The following TENM3 variants were observed in gnomAD, a reference collection of about 807,000 sequenced individuals.
The protein encoded by TENM3 is teneurin-3.
Under a neutral mutation model 255.1 loss-of-function variants are expected in TENM3, and 63 were observed. The observed-to-expected ratio is 0.25, with a 90% confidence interval of 0.20 to 0.30. TENM3 has a LOEUF of 0.30. TENM3 is among the 10% of genes least tolerant of loss of function. The pLI is 1.00. For missense variants in TENM3, 2,929 were observed against 3,461.1 expected, an observed-to-expected ratio of 0.85 and a Z score of 3.86; for synonymous variants, 1,306 against 1,322.3, an observed-to-expected ratio of 0.99 and a Z score of 0.27.
chr4:182,698,390 C>T (rs956147046), intron 12 of TENM3, among the ~76,000 whole-genome samples: 2 of 152,182 alleles, frequency 1.3e-5, no homozygotes, highest in Admixed American at 1.3e-4. Context: ...CCTTCCTTAT[C>T]TCCTTCACCT....
chr4:182,431,403 AGAATAGCTT>A (rs1771630317), intron 3 of TENM3, among the ~76,000 whole-genome samples: 1 of 152,100 alleles, frequency 6.6e-6, no homozygotes, highest in African/African-American at 2.4e-5. Flanking sequence ...CTGAGGCAGA[AGAATAGCTT>A]GAACCCGGGA....
chr4:181,528,236 A>G, the TENM3 span, among the ~76,000 whole-genome samples: 1 of 152,296 alleles, frequency 6.6e-6, no homozygotes, highest in Admixed American at 6.5e-5. Context: ...GGCATTTAAA[A>G]ATAAAGCTAT....
intron 3 of TENM3, among the ~76,000 whole-genome samples, chr4:182,486,439 C>G (rs1205682749): frequency 6.6e-6 from 1 of 152,046 alleles, no homozygotes; most frequent in Non-Finnish European, 1.5e-5. Flanking sequence ...CCCAGAGACA[C>G]CTCCTTTGTA....
chr4:181,706,275 T>A, the TENM3 span, among the ~76,000 whole-genome samples: 1 of 152,124 alleles, frequency 6.6e-6, no homozygotes, highest in East Asian at 1.9e-4. Flanking sequence ...TCATTTTCAC[T>A]TAATTACCTC....
the TENM3 span, among the ~76,000 whole-genome samples, chr4:181,543,880 TC>T: frequency 2.0e-5 from 3 of 152,166 alleles, no homozygotes; most frequent in Admixed American, 2.0e-4. Flanking sequence ...TTAAAATACT[TC>T]CCATAATTAT....
intron 1 of TENM3, among the ~76,000 whole-genome samples, chr4:182,195,205 A>G (rs1457126889): frequency 6.6e-6 from 1 of 152,114 alleles, no homozygotes; most frequent in Non-Finnish European, 1.5e-5. Context: ...CATCTCTTAG[A>G]GAGATTTGAT....
chr4:181,670,208 G>T, the TENM3 span, among the ~76,000 whole-genome samples: 1 of 152,042 alleles, frequency 6.6e-6, no homozygotes, highest in Admixed American at 6.6e-5. Context: ...TAACCACTAG[G>T]TAATATTTAA....
the TENM3 span, among the ~76,000 whole-genome samples, chr4:182,061,765 C>T: frequency 6.6e-6 from 1 of 151,994 alleles, no homozygotes; most frequent in African/African-American, 2.4e-5. Context: ...TGGAGGCCAG[C>T]CTGGGCATCA....
chr4:181,540,265 G>A, the TENM3 span, among the ~76,000 whole-genome samples: 30 of 151,938 alleles, frequency 2.0e-4, no homozygotes, highest in Admixed American at 3.3e-4. Flanking sequence ...ATTATAATCC[G>A]AATAACAAAA....
the TENM3 span, among the ~76,000 whole-genome samples, chr4:182,119,916 G>T: frequency 5.3e-5 from 8 of 152,030 alleles, no homozygotes; most frequent in East Asian, 1.5e-3. Flanking sequence ...TGCCTAAGCT[G>T]GTCTCAAACT....
At chr4:182,078,161 G>A in the TENM3 span, among the ~76,000 whole-genome samples, 3 of 152,120 alleles carry the variant, frequency 2.0e-5, no homozygotes, top group African/African-American at 7.2e-5. Context: ...AGGAGTTTGA[G>A]GCTGCAGTAA....
the TENM3 span, among the ~76,000 whole-genome samples, chr4:182,057,408 CTT>C: frequency 0.021 from 2,771 of 132,402 alleles, 80 homozygotes; most frequent in African/African-American, 0.07. Flanking sequence ...CTTTTCTTTT[CTT>C]TTTTTTTTTT....
Position 182,382,515 on chromosome 4 carries a change from G to C in TENM3, c.511+35586G>C, listed in dbSNP as rs76713126. Among the ~76,000 whole-genome samples the C allele has an allele frequency of 3.4e-3, 514 of 152,264 alleles. 19 individuals carry two copies. The East Asian group carries it at 0.084, about 25-fold the overall frequency. On this transcript the variant is annotated intron_variant, in intron 3 of 27. Transcript: ENST00000511685. The stretch of plus-strand genomic sequence containing the variant: ...AGGACTTTTCCAGGAAATGTTTAGA[G>C]AACCATGGGCTAAATAGCCTTTGCC...
intron 3 of TENM3, among the ~76,000 whole-genome samples, chr4:182,359,709 C>G (rs1378447632): frequency 3.3e-5 from 5 of 150,628 alleles, no homozygotes; most frequent in Non-Finnish European, 5.9e-5. Flanking sequence ...TTTTTTGTGT[C>G]TCTGTTTCCT....
the TENM3 span, among the ~76,000 whole-genome samples, chr4:181,484,714 A>G: frequency 6.6e-6 from 1 of 152,158 alleles, no homozygotes; most frequent in Non-Finnish European, 1.5e-5. Context: ...ACACAACTAT[A>G]TAAAGATCAG....
the TENM3 span, among the ~76,000 whole-genome samples, chr4:181,610,202 C>G: frequency 2.0e-5 from 3 of 152,142 alleles, no homozygotes; most frequent in Non-Finnish European, 4.4e-5. Flanking sequence ...GATAAGTTGT[C>G]TCTACACACC....
the TENM3 span, among the ~76,000 whole-genome samples, chr4:181,846,728 T>TA: frequency 6.6e-6 from 1 of 152,162 alleles, no homozygotes; most frequent in Non-Finnish European, 1.5e-5. Flanking sequence ...CACTGTGTGT[T>TA]AGACTATGTA....
chr4:182,649,815 G>A (rs1753091310), intron 5 of TENM3, among the ~76,000 whole-genome samples: 1 of 150,272 alleles, frequency 6.7e-6, no homozygotes. Flanking sequence ...CAGTGTCTTT[G>A]GATGTAGTAG....
chr4:182,177,146 T>C (rs1217049642), intron 1 of TENM3, among the ~76,000 whole-genome samples: 2 of 152,126 alleles, frequency 1.3e-5, no homozygotes, highest in African/African-American at 4.8e-5. Context: ...GCCGCTGTGC[T>C]CTGGTGCTCA....
Sources: gnomAD v4.1 joint callset for allele counts (sites outside exome capture counted in the v4.1 genomes callset) on GRCh38, gnomAD v4.1.1 for gene constraint, MANE v1.5 for transcripts, NCBI Gene and HGNC (gene_info 2026-07-23, HGNC 2026-07-21) for gene names.